SYNPO2: variants seen among roughly 807,000 people sequenced by gnomAD.
SYNPO2 encodes synaptopodin 2, also known as synaptopodin-2.
SYNPO2 carries 56 observed loss-of-function variants against 85.0 expected under a neutral mutation model. The ratio of observed to expected loss-of-function variants is 0.66; its 90% CI spans 0.53 to 0.82. SYNPO2 has a LOEUF of 0.82. Among genes scored for constraint, SYNPO2 ranks in the 40% least tolerant of loss-of-function variants. The pLI, the probability that SYNPO2 is intolerant of heterozygous loss-of-function variation, is 0.00. For synonymous variants in SYNPO2, 602 were observed against 591.1 expected (o/e 1.02, Z -0.27); for missense variants, 1,575 against 1,534.2 (o/e 1.03, Z -0.44).
At chr4:118,905,087 C>T (rs987972383) in intron 1 of SYNPO2, among the ~76,000 whole-genome samples, 2 of 152,142 alleles carry the variant, frequency 1.3e-5, no homozygotes, top group African/African-American at 4.8e-5. Flanking sequence ...CCATCCTACC[C>T]GCATGCTACA....
At chr4:118,917,376 A>G (rs1434896853) in intron 1 of SYNPO2, among the ~76,000 whole-genome samples, 2 of 152,130 alleles carry the variant, frequency 1.3e-5, no homozygotes, top group East Asian at 3.9e-4. Flanking sequence ...GGGTAATAAG[A>G]GTGAAACTCC....
chr4:118,992,522 T>C (rs979183107), intron 1 of SYNPO2, among the ~76,000 whole-genome samples: 2 of 152,140 alleles, frequency 1.3e-5, no homozygotes, highest in Non-Finnish European at 2.9e-5. Flanking sequence ...TGTATACTCA[T>C]AAAAGTGAAA....
Position 118,957,717 on chromosome 4 carries a change from C to T in SYNPO2, c.106-65713C>T, listed in dbSNP as rs376695100. 9.8e-5 allele frequency among the ~76,000 whole-genome samples: 15 copies of T among 152,304 alleles called. No individual in the cohort carries two copies. In the South Asian group the frequency reaches 3.1e-3, roughly 32 times the overall value. On this transcript the variant is annotated intron_variant, in intron 1 of 4. Transcript: ENST00000307142. ...TATGTAATAAAATGACTTGCATCTT[C>T]AAACTTCTGCAAAGCTCTTCCATCT...
chr4:118,952,190 G>T (rs911659610), intron 1 of SYNPO2, among the ~76,000 whole-genome samples: 4 of 152,192 alleles, frequency 2.6e-5, no homozygotes, highest in African/African-American at 9.7e-5. Flanking sequence ...TTATTGTGAA[G>T]ATCAATTACA....
intron 1 of SYNPO2, among the ~76,000 whole-genome samples, chr4:118,878,303 T>C (rs1362512428): frequency 1.3e-5 from 2 of 152,146 alleles, no homozygotes; most frequent in African/African-American, 2.4e-5. Flanking sequence ...ATCCCTATGA[T>C]ACGCAATTTA....
intron 1 of SYNPO2, among the ~76,000 whole-genome samples, chr4:118,993,109 A>T (rs1057244201): frequency 1.3e-5 from 2 of 152,262 alleles, no homozygotes; most frequent in South Asian, 4.1e-4. Flanking sequence ...CTTGGAAAAT[A>T]AAGCAGCATA....
At chr4:119,036,560 C>G (rs1468557086) in intron 4 of SYNPO2, 1 of 985,316 alleles carries the variant, frequency 1.0e-6, no homozygotes, top group East Asian at 1.1e-4. Flanking sequence ...ATCCAGACAC[C>G]AGGCAAAATT....
At chr4:118,976,544 G>A (rs1000797824) in intron 1 of SYNPO2, among the ~76,000 whole-genome samples, 2 of 152,300 alleles carry the variant, frequency 1.3e-5, no homozygotes, top group East Asian at 3.9e-4. Flanking sequence ...CTGCTGATTG[G>A]TAGAGCCGAG....
chr4:118,867,555 A>G (rs1484599740), intron 1 of SYNPO2, among the ~76,000 whole-genome samples: 1 of 151,722 alleles, frequency 6.6e-6, no homozygotes, highest in African/African-American at 2.4e-5. Context: ...AGAGAATAGG[A>G]CATAGTGAAT....
At chr4:119,039,550 T>G (rs775641741) in intron 4 of SYNPO2, among the ~76,000 whole-genome samples, 60 of 152,212 alleles carry the variant, frequency 3.9e-4, no homozygotes, top group Middle Eastern at 3.2e-3. Flanking sequence ...CCTATTTGCT[T>G]ATTACAACTC....
chr4:118,895,011 T>C (rs930597569), intron 1 of SYNPO2, among the ~76,000 whole-genome samples: 5 of 152,238 alleles, frequency 3.3e-5, no homozygotes, highest in Non-Finnish European at 5.9e-5. Flanking sequence ...ACGTGATTGA[T>C]ATGAACCTGT....
chr4:118,969,850 A>G (rs1450556880), intron 1 of SYNPO2, among the ~76,000 whole-genome samples: 1 of 151,956 alleles, frequency 6.6e-6, no homozygotes, highest in Non-Finnish European at 1.5e-5. Context: ...AAATGATTTG[A>G]GATGAGAACC....
At chr4:118,965,773 G>A (rs941186625) in intron 1 of SYNPO2, among the ~76,000 whole-genome samples, 11 of 152,022 alleles carry the variant, frequency 7.2e-5, no homozygotes, top group Non-Finnish European at 1.2e-4. Context: ...TGGGAAGTAC[G>A]TACAAGATGA....
chr4:118,880,531 C>T (rs141246093), intron 1 of SYNPO2, among the ~76,000 whole-genome samples: 2,360 of 152,114 alleles, frequency 0.016, 67 homozygotes, highest in African/African-American at 0.05. Context: ...AGTTGGATCA[C>T]GAGGTCAGGA....
chr4:119,005,530 A>G lies in SYNPO2; in HGVS notation c.106-17900A>G, dbSNP rs1282098912. Among the ~76,000 whole-genome samples the G allele has an allele frequency of 1.7e-5, 2 of 118,838 alleles. 1 individual carries two copies. The highest frequency in any genetic ancestry group is 3.9e-5 in the Non-Finnish European group (2 of 51,844). 78.0% of individuals were successfully genotyped at this position (118,838 alleles called of 152,430 possible). Reference sequence around the variant, plus strand: ...TTTTGTCAGGTTTGTCAAAGATCAGATAGTTGTAGATATGTGGCATTATTT... The same window carrying G: ...TTTTGTCAGGTTTGTCAAAGATCAGGTAGTTGTAGATATGTGGCATTATTT... On this transcript the variant is annotated intron_variant, in intron 1 of 4. Transcript: ENST00000307142.
chr4:119,015,811 G>A (rs184456701), intron 1 of SYNPO2, among the ~76,000 whole-genome samples: 4 of 152,300 alleles, frequency 2.6e-5, no homozygotes, highest in Admixed American at 1.3e-4. Context: ...TTGAGCATAT[G>A]AGAGTTTTTT....
chr4:119,037,148 A>C, intron 4 of SYNPO2: 1 of 1,546,890 alleles, frequency 6.5e-7, no homozygotes, highest in Non-Finnish European at 8.7e-7. Context: ...TCAAGATATC[A>C]TAAGGACCTA....
intron 1 of SYNPO2, among the ~76,000 whole-genome samples, chr4:118,985,032 C>A (rs975095503): frequency 6.6e-6 from 1 of 152,190 alleles, no homozygotes; most frequent in Non-Finnish European, 1.5e-5. Flanking sequence ...GGTCCTAGAC[C>A]TGGAGCACTT....
intron 1 of SYNPO2, among the ~76,000 whole-genome samples, chr4:119,013,483 T>C (rs925253798): frequency 5.3e-5 from 8 of 152,226 alleles, no homozygotes; most frequent in Non-Finnish European, 8.8e-5. Flanking sequence ...ATCATTTTTA[T>C]TTTAAGGAAT....
Sources: gnomAD v4.1 joint callset for allele counts (sites outside exome capture counted in the v4.1 genomes callset) on GRCh38, gnomAD v4.1.1 for gene constraint, MANE v1.5 for transcripts, NCBI Gene and HGNC (gene_info 2026-07-23, HGNC 2026-07-21) for gene names.